PCDHA10: variants seen among roughly 807,000 people sequenced by gnomAD.
PCDHA10 encodes protocadherin alpha 10.
A neutral mutation model predicts 61.2 loss-of-function variants in PCDHA10; 45 were observed. The ratio of observed to expected loss-of-function variants is 0.74; its 90% CI spans 0.58 to 0.94. The LOEUF (loss-of-function observed/expected upper bound fraction) is 0.94, where lower values mean the gene tolerates loss of function less well. Among genes scored for constraint, PCDHA10 ranks in the 40% least tolerant of loss-of-function variants. The pLI is 0.00. For missense variants in PCDHA10, 1,278 were observed against 1,236.2 expected, an observed-to-expected ratio of 1.03 and a Z score of -0.51; for synonymous variants, 602 against 548.8, an observed-to-expected ratio of 1.10 and a Z score of -1.35.
intron 1 of PCDHA10, chr5:140,875,267 C>T (rs1203068511): frequency 2.5e-6 from 3 of 1,210,992 alleles, no homozygotes; most frequent in Admixed American, 3.0e-5. Context: ...TGTCGCTCTA[C>T]ACTCAGAAGG....
intron 1 of PCDHA10, chr5:140,870,552 G>C: frequency 6.2e-7 from 1 of 1,614,042 alleles, no homozygotes; most frequent in Non-Finnish European, 8.5e-7. Flanking sequence ...ACGCGGACGC[G>C]CAGGAGAACG....
rs565071573 is a variant in PCDHA10, at chr5:141,009,664, G to A, written c.2574G>A (p.Ala858=). The A allele has an allele frequency of 2.2e-5, 36 of 1,613,862 alleles. No individual in the cohort carries two copies. The highest frequency in any genetic ancestry group is 5.0e-5 in the Admixed American group (3 of 59,974). The stretch of plus-strand genomic sequence containing the variant: ...GAGAAGTGTCCCCTCCAGTCGGTGC[G>A]GGTGTCAACAGCAACAGCTGGACCT... The part of the protein sequence containing the change: ...EAGEVSPPVG[A]GVNSNSWTFK... Residue 858 remains alanine (A), a synonymous_variant, in exon 4 of 4, where the codon GCG becomes GCA. Transcript: ENST00000307360.
chr5:140,856,875 T>A lies in PCDHA10; in HGVS notation c.827T>A (p.Met276Lys). The change falls in exon 1 of 4, where the codon ATG becomes AAG. Residue 276 changes from methionine to lysine, a missense_variant. Coordinates refer to ENST00000307360, the MANE Select transcript of PCDHA10 (RefSeq NM_018901.4). ...TCGGATGAAGGAATAAACAAGGAAA[T>A]GATGTATTCATTTAGCTCTTTGGTC... ...SDSDEGINKE[M>K]MYSFSSLVPP... is the part of the protein sequence containing the mutation. The A allele has an allele frequency of 1.9e-6, 3 of 1,595,778 alleles. No individual in the cohort carries two copies. Among genetic ancestry groups the A allele is most frequent in the Non-Finnish European group, 2.6e-6 (3 of 1,165,736 alleles).
intron 1 of PCDHA10, among the ~76,000 whole-genome samples, chr5:140,943,311 T>C (rs1281237979): frequency 1.3e-5 from 2 of 150,340 alleles, no homozygotes. Flanking sequence ...AAGTCATTAT[T>C]AGCAATATTG....
At chr5:140,876,556 G>A (rs369915148) in intron 1 of PCDHA10, 10 of 1,614,204 alleles carry the variant, frequency 6.2e-6, no homozygotes, top group Non-Finnish European at 8.5e-6. Flanking sequence ...TGTGCAAGAG[G>A]ATGCTCAGGT....
intron 1 of PCDHA10, among the ~76,000 whole-genome samples, chr5:140,946,059 G>GA (rs2093880331): frequency 6.6e-6 from 1 of 152,156 alleles, no homozygotes; most frequent in East Asian, 1.9e-4. Flanking sequence ...CAGAATGGGA[G>GA]AAAATATTTG....
rs782722148 is a variant in PCDHA10, at chr5:140,857,308, T to A, written c.1260T>A (p.Tyr420Ter). 2 of 1,597,818 alleles carry A rather than the reference T, an allele frequency of 1.3e-6. 1 individual carries two copies. Among genetic ancestry groups the A allele is most frequent in the African/African-American group, 2.7e-5 (2 of 74,344 alleles). The part of the protein sequence containing the change: ...SALDRERVSA[Y>*]ELVVTARDGG... Reference sequence around the variant, plus strand: ...TGGACCGCGAGAGGGTGTCGGCCTATGAGCTGGTGGTGACCGCGCGGGACG... The same window carrying A: ...TGGACCGCGAGAGGGTGTCGGCCTAAGAGCTGGTGGTGACCGCGCGGGACG... Residue 420 changes from tyrosine to a stop codon, truncating the protein, a stop_gained, in exon 1 of 4, where the codon TAT becomes TAA. Coordinates refer to ENST00000307360, the MANE Select transcript of PCDHA10 (RefSeq NM_018901.4). LOFTEE classifies it high-confidence loss of function.
chr5:140,975,953 T>C (rs1554237158), intron 1 of PCDHA10, among the ~76,000 whole-genome samples: 1 of 152,084 alleles, frequency 6.6e-6, no homozygotes, highest in East Asian at 1.9e-4. Flanking sequence ...CATATTAGAG[T>C]TCTTCACCAA....
intron 1 of PCDHA10, chr5:140,927,440 C>T (rs782460713): frequency 3.7e-6 from 6 of 1,614,050 alleles, no homozygotes; most frequent in Admixed American, 3.3e-5. Context: ...AGCGAATACC[C>T]GGAGTTGGTG....
intron 1 of PCDHA10, chr5:140,876,415 G>A (rs782679956): frequency 6.2e-7 from 1 of 1,613,960 alleles, no homozygotes. Flanking sequence ...AGAGAATAAT[G>A]CCTATGAAAT....
In PCDHA10 at chr5:140,978,905, T is replaced by C. The variant is rs782532288; in HGVS notation, c.2389-44T>C. 9 of 1,613,632 alleles carry C rather than the reference T, an allele frequency of 5.6e-6. No homozygotes were observed. In the South Asian group the frequency reaches 9.9e-5, roughly 18 times the overall value. On this transcript the variant is annotated intron_variant, in intron 1 of 3. Coordinates refer to ENST00000307360, the MANE Select transcript of PCDHA10 (RefSeq NM_018901.4). ...AATTAGCAGCATTCCTGGGAGAACA[T>C]TGTCTTGTCATTTTAACAGAAAACT...
intron 1 of PCDHA10, chr5:140,966,561 G>T: frequency 2.0e-6 from 1 of 488,962 alleles, no homozygotes; most frequent in African/African-American, 2.0e-5. Flanking sequence ...GGAGGAGCTG[G>T]AATATGGGGA....
At chr5:140,897,252 A>G (rs1179343621) in intron 1 of PCDHA10, among the ~76,000 whole-genome samples, 3 of 152,018 alleles carry the variant, frequency 2.0e-5, no homozygotes, top group East Asian at 3.9e-4. Flanking sequence ...TTACATATGT[A>G]TACATGTGCC....
At chr5:140,905,620 T>G (rs1417322136) in intron 1 of PCDHA10, among the ~76,000 whole-genome samples, 2 of 152,210 alleles carry the variant, frequency 1.3e-5, no homozygotes, top group African/African-American at 4.8e-5. Context: ...ATAGATTGCT[T>G]TTGACAGTAT....
At chr5:140,989,527 G>A (rs1172019994) in intron 3 of PCDHA10, among the ~76,000 whole-genome samples, 1 of 152,192 alleles carries the variant, frequency 6.6e-6, no homozygotes, top group Non-Finnish European at 1.5e-5. Flanking sequence ...GGGCAGAGGA[G>A]GAAGATAGTT....
intron 3 of PCDHA10, among the ~76,000 whole-genome samples, chr5:141,008,590 T>G (rs1259352249): frequency 6.6e-6 from 1 of 152,216 alleles, no homozygotes; most frequent in Non-Finnish European, 1.5e-5. Context: ...CAGGGCAGAT[T>G]TCACCTCCTC....
intron 1 of PCDHA10, among the ~76,000 whole-genome samples, chr5:140,905,788 G>T (rs1217429620): frequency 2.6e-5 from 4 of 152,046 alleles, no homozygotes; most frequent in Non-Finnish European, 4.4e-5. Flanking sequence ...ATTAGTCAGG[G>T]TTCTCTAGAG....
Position 140,856,760 on chromosome 5 carries a change from G to T in PCDHA10, c.712G>T (p.Ala238Ser). 6.3e-7 allele frequency: 1 copy of T among 1,596,522 alleles called. No homozygotes were observed. Among genetic ancestry groups the T allele is most frequent in the Admixed American group, 1.7e-5 (1 of 59,126 alleles). Reference sequence around the variant, plus strand: ...CCTGGTGTTAGATGCCAATGATAACGCCCCTATCTTTGACAGACCGGTTTA... The same window carrying T: ...CCTGGTGTTAGATGCCAATGATAACTCCCCTATCTTTGACAGACCGGTTTA... ...LILVLDANDN[A>S]PIFDRPVYEV... Residue 238 changes from alanine (A) to serine (S), a missense_variant, in exon 1 of 4, where the codon GCC becomes TCC. Coordinates refer to ENST00000307360, the MANE Select transcript of PCDHA10 (RefSeq NM_018901.4).
At chr5:140,967,618 G>T in intron 1 of PCDHA10, 3 of 1,614,174 alleles carry the variant, frequency 1.9e-6, no homozygotes, top group Non-Finnish European at 2.5e-6. Context: ...CCTCAGACCC[G>T]GATGAGGGCT....
Sources: gnomAD v4.1 joint callset for allele counts (sites outside exome capture counted in the v4.1 genomes callset) on GRCh38, gnomAD v4.1.1 for gene constraint, MANE v1.5 for transcripts, NCBI Gene and HGNC (gene_info 2026-07-23, HGNC 2026-07-21) for gene names.